GRIK1: variants seen among roughly 807,000 people sequenced by gnomAD.
GRIK1 encodes glutamate receptor ionotropic, kainate 1.
GRIK1 carries 69 observed loss-of-function variants against 105.7 expected under a neutral mutation model. The observed-to-expected ratio is 0.65, with a 90% CI of 0.54 to 0.80. The LOEUF is 0.80. Among genes scored for constraint, GRIK1 ranks in the 30% least tolerant of loss-of-function variants. GRIK1 has a pLI of 0.00. For missense variants in GRIK1, 1,109 were observed against 1,167.3 expected, an observed-to-expected ratio of 0.95 and a Z score of 0.73; for synonymous variants, 438 against 431.3, an observed-to-expected ratio of 1.02 and a Z score of -0.19.
intron 16 of GRIK1, among the ~76,000 whole-genome samples, chr21:29,540,034 G>T (rs1422839003): frequency 6.6e-6 from 1 of 152,144 alleles, no homozygotes; most frequent in Non-Finnish European, 1.5e-5. Context: ...TCAAGCATTT[G>T]ATTTTAGGCA....
At chr21:29,770,480 T>C (rs1035075155) in intron 1 of GRIK1, among the ~76,000 whole-genome samples, 3 of 152,176 alleles carry the variant, frequency 2.0e-5, no homozygotes, top group African/African-American at 7.2e-5. Context: ...TATTCAGATA[T>C]ATAAAACATG....
intron 1 of GRIK1, among the ~76,000 whole-genome samples, chr21:29,791,968 A>G (rs1298216545): frequency 1.3e-5 from 2 of 152,210 alleles, no homozygotes; most frequent in Non-Finnish European, 2.9e-5. Flanking sequence ...TTTGCTTTAT[A>G]TGCTGATTTA....
intron 14 of GRIK1, among the ~76,000 whole-genome samples, chr21:29,564,170 C>T (rs536325486): frequency 1.1e-4 from 16 of 151,778 alleles, no homozygotes; most frequent in African/African-American, 3.1e-4. Flanking sequence ...TTTTTTGAGA[C>T]GGAGTCTCGC....
chr21:29,623,850 A>C (rs1033459234), intron 7 of GRIK1, among the ~76,000 whole-genome samples: 1 of 152,234 alleles, frequency 6.6e-6, no homozygotes, highest in Admixed American at 6.5e-5. Flanking sequence ...CACTTGCAGA[A>C]TAATTGTCTA....
intron 7 of GRIK1, chr21:29,601,345 T>C (rs2061515142): frequency 2.6e-6 from 1 of 391,700 alleles, no homozygotes; most frequent in Non-Finnish European, 5.5e-6. Context: ...CCAGGGTCTC[T>C]AGTTTGCAGA....
At chr21:29,560,380 CCTTCCTTCCTTCCTTCCTTCCTTTCTTT>C (rs1348602138) in intron 15 of GRIK1, among the ~76,000 whole-genome samples, 1 of 51,564 alleles carries the variant, frequency 1.9e-5, no homozygotes, top group African/African-American at 1.0e-4. Flanking sequence ...TTCCTTCCTT[CCTTCCTTCCTTCCTTCCTTCCTTTCTTT>C]CTTTCTTTCT....
chr21:29,591,958 G>A (rs893904050), intron 9 of GRIK1, among the ~76,000 whole-genome samples: 10 of 152,188 alleles, frequency 6.6e-5, no homozygotes, highest in African/African-American at 2.2e-4. Flanking sequence ...GGTTGAGATG[G>A]GAGGATGGCT....
intron 1 of GRIK1, among the ~76,000 whole-genome samples, chr21:29,822,198 C>A (rs1471020081): frequency 6.6e-6 from 1 of 152,010 alleles, no homozygotes; most frequent in East Asian, 1.9e-4. Flanking sequence ...GCAACCATTC[C>A]ACTCTGCAAT....
At chr21:29,920,903 C>T (rs7280742) in intron 1 of GRIK1, among the ~76,000 whole-genome samples, 5,347 of 151,564 alleles carry the variant, frequency 0.035, 371 homozygotes, top group African/African-American at 0.12. Flanking sequence ...ATGTGGCTTC[C>T]GTTCATACCA....
At chr21:29,616,939 G>A (rs1320662362) in intron 7 of GRIK1, among the ~76,000 whole-genome samples, 3 of 152,120 alleles carry the variant, frequency 2.0e-5, no homozygotes, top group Non-Finnish European at 2.9e-5. Flanking sequence ...ATGTTAATTA[G>A]AATAGGTTGG....
At chr21:29,801,688 T>C (rs1306261914) in intron 1 of GRIK1, among the ~76,000 whole-genome samples, 4 of 152,186 alleles carry the variant, frequency 2.6e-5, no homozygotes, top group East Asian at 3.8e-4. Flanking sequence ...TACGCAGATA[T>C]TGAAAACTAT....
chr21:29,741,711 A>G (rs2064933574), intron 1 of GRIK1, among the ~76,000 whole-genome samples: 1 of 152,218 alleles, frequency 6.6e-6, no homozygotes, highest in South Asian at 2.1e-4. Context: ...GATCTGTTGG[A>G]ACATGACCAT....
intron 1 of GRIK1, among the ~76,000 whole-genome samples, chr21:29,837,561 G>C (rs1335898877): frequency 1.3e-5 from 2 of 152,144 alleles, no homozygotes; most frequent in Non-Finnish European, 2.9e-5. Flanking sequence ...ACAGCAAAGA[G>C]AAGTCTGGGA....
intron 1 of GRIK1, among the ~76,000 whole-genome samples, chr21:29,716,378 A>G (rs1479261358): frequency 6.6e-6 from 1 of 152,196 alleles, no homozygotes; most frequent in Non-Finnish European, 1.5e-5. Context: ...AGGGCTTAGA[A>G]AACAACAGGA....
At chr21:29,706,937 T>C (rs1011070426) in intron 1 of GRIK1, among the ~76,000 whole-genome samples, 9 of 152,106 alleles carry the variant, frequency 5.9e-5, no homozygotes, top group African/African-American at 2.2e-4. Context: ...AGATCTCAGC[T>C]CACTGCAAGC....
intron 16 of GRIK1, among the ~76,000 whole-genome samples, chr21:29,549,678 TG>T (rs1011836061): frequency 2.0e-5 from 3 of 151,968 alleles, no homozygotes; most frequent in South Asian, 2.1e-4. Flanking sequence ...AAAAAAAAAT[TG>T]TTTTCCTTTC....
At chr21:29,849,503 C>T (rs2068238321) in intron 1 of GRIK1, among the ~76,000 whole-genome samples, 1 of 152,174 alleles carries the variant, frequency 6.6e-6, no homozygotes, top group Non-Finnish European at 1.5e-5. Context: ...GTTTCCTGCG[C>T]CCATCCTTCC....
At chr21:29,732,838 T>C (rs2064673479) in intron 1 of GRIK1, among the ~76,000 whole-genome samples, 1 of 152,184 alleles carries the variant, frequency 6.6e-6, no homozygotes, top group African/African-American at 2.4e-5. Flanking sequence ...CCTAGTTCTG[T>C]GTGACTGTAA....
At chr21:29,866,715 G>A (rs1247306902) in intron 1 of GRIK1, among the ~76,000 whole-genome samples, 2 of 152,168 alleles carry the variant, frequency 1.3e-5, no homozygotes, top group Admixed American at 6.5e-5. Context: ...TCATTAAAAA[G>A]CATGTTGAAA....
Sources: gnomAD v4.1 joint callset for allele counts (sites outside exome capture counted in the v4.1 genomes callset) on GRCh38, gnomAD v4.1.1 for gene constraint, MANE v1.5 for transcripts, NCBI Gene and HGNC (gene_info 2026-07-23, HGNC 2026-07-21) for gene names.